Variants in DCC observed in about 807,000 individuals in gnomAD.
The protein encoded by DCC is DCC netrin 1 receptor.
A neutral mutation model predicts 172.5 loss-of-function variants in DCC; 58 were observed. The ratio of observed to expected loss-of-function variants is 0.34; its 90% CI spans 0.27 to 0.42. The LOEUF (loss-of-function observed/expected upper bound fraction) is 0.42. Ranked by LOEUF, DCC falls within the 10% of genes least tolerant of loss-of-function variation. The pLI, the probability that DCC is intolerant of heterozygous loss-of-function variation, is 1.00. For missense variants in DCC, 1,740 were observed against 1,791.0 expected, an observed-to-expected ratio of 0.97 and a Z score of 0.51; for synonymous variants, 709 against 644.5, an observed-to-expected ratio of 1.10 and a Z score of -1.52.
intron 12 of DCC, among the ~76,000 whole-genome samples, chr18:53,301,674 T>C (rs1223659815): frequency 1.3e-5 from 2 of 152,148 alleles, no homozygotes; most frequent in Non-Finnish European, 2.9e-5. Flanking sequence ...AGATGTCTCT[T>C]AGTTTACCAG....
rs5824990 is a variant in DCC, at chr18:53,148,865, C to CTTTTTTTTT, written c.1262-8482_1262-8474dup. Among the ~76,000 whole-genome samples the CTTTTTTTTT allele has an allele frequency of 3.9e-3, 426 of 109,694 alleles. 22 individuals are homozygous for CTTTTTTTTT. Among genetic ancestry groups the CTTTTTTTTT allele is most frequent in the African/African-American group, 0.01 (277 of 26,680 alleles). 72.0% of individuals were successfully genotyped at this position (109,694 alleles called of 152,430 possible). A position where few individuals can be genotyped will look rare whatever the true frequency, so the allele number is the denominator to read the frequency against. On this transcript the variant is annotated intron_variant, in intron 7 of 28. Coordinates refer to ENST00000442544, the MANE Select transcript of DCC (RefSeq NM_005215.4). ...AAACTAGCTCAGAACTTCCCAATGC[C>CTTTTTTTTT]TTTTTTTTTTTTTTTTTGGACAAAG...
chr18:52,421,823 G>A (rs1987259923), intron 1 of DCC, among the ~76,000 whole-genome samples: 1 of 152,130 alleles, frequency 6.6e-6, no homozygotes, highest in Non-Finnish European at 1.5e-5. Context: ...TTTTGTTTTA[G>A]TGATCCTTGT....
intron 12 of DCC, among the ~76,000 whole-genome samples, chr18:53,232,798 C>T (rs1363252557): frequency 1.3e-5 from 2 of 152,116 alleles, no homozygotes; most frequent in Admixed American, 1.3e-4. Context: ...CTCCTCGAAG[C>T]GACTTTCACT....
At chr18:53,068,623 G>A (rs1388086442) in intron 7 of DCC, among the ~76,000 whole-genome samples, 1 of 151,992 alleles carries the variant, frequency 6.6e-6, no homozygotes, top group Non-Finnish European at 1.5e-5. Flanking sequence ...ACTTGGCACT[G>A]ACCAAAGAAG....
chr18:53,210,128 T>C (rs2055725090), intron 11 of DCC, among the ~76,000 whole-genome samples: 2 of 152,222 alleles, frequency 1.3e-5, no homozygotes, highest in Admixed American at 1.3e-4. Context: ...CCCATCTCTT[T>C]TAATGTCCAA....
rs191991407 is a variant in DCC at position 53,024,792 on chromosome 18, G to T, written c.986-38513G>T. Among the ~76,000 whole-genome samples, 261 of 152,212 alleles carry T rather than the reference G, an allele frequency of 1.7e-3. 1 individual carries two copies. Among genetic ancestry groups the T allele is most frequent in the African/African-American group, 6.0e-3 (249 of 41,568 alleles). ...AATTTTTATGAGCAATGGGAAAAGG[G>T]ATTGTAGTTGTTGTTTCTTAATAGA... On this transcript the variant is annotated intron_variant, in intron 5 of 28. Transcript: ENST00000442544.
At chr18:53,461,987 C>T (rs567272923) in intron 24 of DCC, among the ~76,000 whole-genome samples, 1 of 152,284 alleles carries the variant, frequency 6.6e-6, no homozygotes, top group South Asian at 2.1e-4. Flanking sequence ...AACACTGTTA[C>T]ATCTTTTCCC....
chr18:53,353,437 G>A (rs1180794338), intron 15 of DCC, among the ~76,000 whole-genome samples: 4 of 151,318 alleles, frequency 2.6e-5, no homozygotes, highest in Non-Finnish European at 5.9e-5. Context: ...ATCCTTTAAA[G>A]GTTAAAAAAA....
chr18:52,637,958 C>T (rs2034814560), intron 1 of DCC, among the ~76,000 whole-genome samples: 1 of 152,184 alleles, frequency 6.6e-6, no homozygotes, highest in Non-Finnish European at 1.5e-5. Context: ...ATCATATTAA[C>T]AGCAGATTTC....
intron 1 of DCC, among the ~76,000 whole-genome samples, chr18:52,730,701 T>A (rs2036625363): frequency 6.6e-6 from 1 of 152,086 alleles, no homozygotes; most frequent in African/African-American, 2.4e-5. Flanking sequence ...CAGATGAACA[T>A]TTATATGTGG....
chr18:53,292,977 C>A (rs999931718), intron 12 of DCC, among the ~76,000 whole-genome samples: 15 of 152,282 alleles, frequency 9.9e-5, no homozygotes, highest in African/African-American at 3.4e-4. Flanking sequence ...ATCCATACTA[C>A]TCCTACTGCA....
At chr18:52,487,515 C>A (rs1237635063) in intron 1 of DCC, among the ~76,000 whole-genome samples, 2 of 151,912 alleles carry the variant, frequency 1.3e-5, no homozygotes, top group Non-Finnish European at 2.9e-5. Context: ...GAAGAATAAA[C>A]GTTAGAGGAA....
At chr18:52,961,354 G>T (rs1335177696) in intron 5 of DCC, among the ~76,000 whole-genome samples, 1 of 152,120 alleles carries the variant, frequency 6.6e-6, no homozygotes, top group Non-Finnish European at 1.5e-5. Flanking sequence ...TGATAGCACT[G>T]ATTCTGAGAT....
At chr18:52,752,664 C>T (rs939238001) in intron 2 of DCC, among the ~76,000 whole-genome samples, 1 of 152,014 alleles carries the variant, frequency 6.6e-6, no homozygotes, top group Non-Finnish European at 1.5e-5. Flanking sequence ...TTGATATATA[C>T]GTTGCTGTGC....
chr18:52,644,534 G>C (rs2034973147), intron 1 of DCC, among the ~76,000 whole-genome samples: 1 of 148,842 alleles, frequency 6.7e-6, no homozygotes, highest in Admixed American at 6.8e-5. Context: ...AACCGAGATT[G>C]CGCCACCGTA....
At chr18:53,162,296 C>T in intron 8 of DCC, among the ~76,000 whole-genome samples, 1 of 66,828 alleles carries the variant, frequency 1.5e-5, no homozygotes, top group Non-Finnish European at 2.9e-5. Context: ...AAGACTCTGC[C>T]TCAAAAAAAA....
At chr18:53,289,706 T>G (rs1229444323) in intron 12 of DCC, among the ~76,000 whole-genome samples, 21 of 152,204 alleles carry the variant, frequency 1.4e-4, no homozygotes, top group Non-Finnish European at 4.4e-5. Flanking sequence ...TTTTTATTTT[T>G]TAAAACCAGC....
At chr18:53,272,189 G>C (rs573486562) in intron 12 of DCC, among the ~76,000 whole-genome samples, 4 of 152,116 alleles carry the variant, frequency 2.6e-5, no homozygotes, top group Non-Finnish European at 5.9e-5. Flanking sequence ...GTACATGTCT[G>C]TTTAGCTGAG....
intron 1 of DCC, among the ~76,000 whole-genome samples, chr18:52,647,025 GA>G (rs751186494): frequency 9.9e-5 from 15 of 152,190 alleles, no homozygotes; most frequent in Non-Finnish European, 1.6e-4. Flanking sequence ...TTTCACTCAG[GA>G]AATTCCATGG....
Sources: allele counts gnomAD v4.1 joint callset (sites outside exome capture counted in the v4.1 genomes callset), GRCh38; gene constraint gnomAD v4.1.1; transcripts MANE v1.5; gene names NCBI Gene and HGNC (gene_info 2026-07-23, HGNC 2026-07-21).